RPS6KC1: variants seen among roughly 807,000 people sequenced by gnomAD.
The protein encoded by RPS6KC1 is inactive ribosomal protein S6 kinase delta-1.
In RPS6KC1, 54 loss-of-function variants were observed where a neutral mutation model predicts 103.8. The ratio of observed to expected loss-of-function variants is 0.52; its 90% CI spans 0.42 to 0.65. RPS6KC1 has a LOEUF of 0.65. Ranked by LOEUF, RPS6KC1 falls within the 30% of genes least tolerant of loss-of-function variation. The pLI, the probability that RPS6KC1 is intolerant of heterozygous loss-of-function variation, is 0.00. For missense variants in RPS6KC1, 1,151 were observed against 1,253.8 expected (o/e 0.92, Z 1.24); for synonymous variants, 439 against 438.7 (o/e 1.00, Z -0.01).
intron 4 of RPS6KC1, among the ~76,000 whole-genome samples, chr1:213,113,032 T>C (rs1176418327): frequency 6.6e-6 from 1 of 152,222 alleles, no homozygotes; most frequent in Non-Finnish European, 1.5e-5. Flanking sequence ...TATGTGTGCA[T>C]GTGTCTTTGT....
the RPS6KC1 span, among the ~76,000 whole-genome samples, chr1:213,725,493 T>A: frequency 6.6e-6 from 1 of 152,256 alleles, no homozygotes; most frequent in African/African-American, 2.4e-5. Context: ...CCGGGCTCTC[T>A]TCGGGGACTC....
the RPS6KC1 span, among the ~76,000 whole-genome samples, chr1:213,356,702 G>C: frequency 6.6e-6 from 1 of 152,174 alleles, no homozygotes; most frequent in Non-Finnish European, 1.5e-5. Flanking sequence ...TAACGTCATA[G>C]ACATGTCTGC....
At chr1:213,571,817 T>G in the RPS6KC1 span, among the ~76,000 whole-genome samples, 1 of 152,184 alleles carries the variant, frequency 6.6e-6, no homozygotes, top group Non-Finnish European at 1.5e-5. Context: ...CCAGGGGCAG[T>G]GCTCCCCAAA....
chr1:213,769,831 T>TA, the RPS6KC1 span, among the ~76,000 whole-genome samples: 236 of 151,726 alleles, frequency 1.6e-3, no homozygotes, highest in East Asian at 7.7e-3. Context: ...TGACAAGATT[T>TA]AAAAAAAAAT....
intron 8 of RPS6KC1, among the ~76,000 whole-genome samples, chr1:213,201,799 A>G (rs2093172406): frequency 6.6e-6 from 1 of 152,214 alleles, no homozygotes; most frequent in East Asian, 1.9e-4. Flanking sequence ...GTTTGGTGAA[A>G]GGCATGTGGT....
At chr1:213,493,663 T>C in the RPS6KC1 span, among the ~76,000 whole-genome samples, 1 of 152,232 alleles carries the variant, frequency 6.6e-6, no homozygotes, top group Non-Finnish European at 1.5e-5. Context: ...TGATATCTTC[T>C]CTTCTCCTAC....
At chr1:213,075,105 C>G (rs1008647994) in intron 2 of RPS6KC1, among the ~76,000 whole-genome samples, 6 of 151,972 alleles carry the variant, frequency 3.9e-5, no homozygotes, top group Non-Finnish European at 5.9e-5. Context: ...CCCGCCTTGG[C>G]CTCCCAAAGT....
the RPS6KC1 span, among the ~76,000 whole-genome samples, chr1:213,451,712 T>C: frequency 6.6e-6 from 1 of 152,214 alleles, no homozygotes. Flanking sequence ...CATTAGCTTG[T>C]GATGTTGGAA....
chr1:213,559,527 C>T, the RPS6KC1 span, among the ~76,000 whole-genome samples: 4 of 152,182 alleles, frequency 2.6e-5, no homozygotes, highest in Non-Finnish European at 5.9e-5. Context: ...TACTATAAGA[C>T]ACATGCCTCA....
At chr1:213,117,159 C>G (rs1215354475) in intron 4 of RPS6KC1, among the ~76,000 whole-genome samples, 158 bp from the exon 5 acceptor site, 1 of 151,998 alleles carries the variant, frequency 6.6e-6, no homozygotes. Flanking sequence ...TGAGATATAC[C>G]TATTGTTTTT....
the RPS6KC1 span, among the ~76,000 whole-genome samples, chr1:213,740,461 G>A: frequency 6.6e-6 from 1 of 151,924 alleles, no homozygotes; most frequent in African/African-American, 2.4e-5. Flanking sequence ...CTCTTTGCTG[G>A]CATTTGCAAC....
At chr1:213,848,155 A>G in the RPS6KC1 span, among the ~76,000 whole-genome samples, 2 of 152,228 alleles carry the variant, frequency 1.3e-5, no homozygotes, top group East Asian at 1.9e-4. Flanking sequence ...TGTATAATTT[A>G]TATAATGTTA....
At chr1:213,394,115 T>C in the RPS6KC1 span, among the ~76,000 whole-genome samples, 1 of 152,208 alleles carries the variant, frequency 6.6e-6, no homozygotes, top group Non-Finnish European at 1.5e-5. Context: ...GCAGCTTAGC[T>C]GAGTGCAGAG....
the RPS6KC1 span, among the ~76,000 whole-genome samples, chr1:213,326,577 A>G: frequency 6.6e-6 from 1 of 152,250 alleles, no homozygotes; most frequent in South Asian, 2.1e-4. Flanking sequence ...TACCCCCCCA[A>G]ACAATATGCT....
chr1:213,518,982 G>T, the RPS6KC1 span, among the ~76,000 whole-genome samples: 1 of 152,136 alleles, frequency 6.6e-6, no homozygotes, highest in Non-Finnish European at 1.5e-5. Flanking sequence ...CATTCATTTT[G>T]TAAGAAAATT....
the RPS6KC1 span, among the ~76,000 whole-genome samples, chr1:213,689,252 A>G: frequency 1.3e-5 from 2 of 152,208 alleles, no homozygotes; most frequent in East Asian, 3.9e-4. Context: ...GGGAGGAATG[A>G]CGAAGCTCTG....
chr1:213,211,315 A>G lies in RPS6KC1; in HGVS notation c.1045-19182A>G, dbSNP rs540507897. Among the ~76,000 whole-genome samples the G allele has an allele frequency of 2.0e-5, 3 of 152,350 alleles. No individual in the cohort carries two copies. In the South Asian group the frequency reaches 6.2e-4, roughly 32 times the overall value. ...AGAGTTTTAACCTCTCTTTAGCATA[A>G]TCCGTTTATGGCCTTGGGCAGATTC... On this transcript the variant is annotated intron_variant, in intron 8 of 14. Coordinates refer to ENST00000366960, the MANE Select transcript of RPS6KC1 (RefSeq NM_012424.6).
chr1:213,847,941 C>T, the RPS6KC1 span, among the ~76,000 whole-genome samples: 1 of 151,952 alleles, frequency 6.6e-6, no homozygotes, highest in Admixed American at 6.6e-5. Context: ...ATCTCTTCTC[C>T]TTGATTCTCT....
At chr1:213,611,997 G>C in the RPS6KC1 span, among the ~76,000 whole-genome samples, 5 of 152,198 alleles carry the variant, frequency 3.3e-5, no homozygotes, top group African/African-American at 1.2e-4. Context: ...GACCAGGCCA[G>C]ATACAAAGGA....
Sources: allele counts gnomAD v4.1 joint callset (sites outside exome capture counted in the v4.1 genomes callset), GRCh38; gene constraint gnomAD v4.1.1; transcripts MANE v1.5; gene names NCBI Gene and HGNC (gene_info 2026-07-23, HGNC 2026-07-21).